Variants in ZNF302 observed in about 807,000 individuals in gnomAD.
The protein encoded by ZNF302 is zinc finger protein 327.
In ZNF302, 12 loss-of-function variants were observed where a neutral mutation model predicts 10.8. The observed-to-expected ratio is 1.11, with a 90% CI of 0.71 to 1.79. The LOEUF is 1.79. Among genes scored for constraint, ZNF302 ranks in the 40% most tolerant of loss-of-function variants. ZNF302 has a pLI of 0.00. For missense variants in ZNF302, 461 were observed against 471.1 expected, an observed-to-expected ratio of 0.98 and a Z score of 0.20; for synonymous variants, 178 against 157.5, an observed-to-expected ratio of 1.13 and a Z score of -0.98.
chr19:34,683,475 A>G (rs1367113345), intron 4 of ZNF302, among the ~76,000 whole-genome samples: 3 of 152,198 alleles, frequency 2.0e-5, no homozygotes, highest in Non-Finnish European at 4.4e-5. Context: ...TAATAATTCA[A>G]ATTGTTACTA....
At chr19:34,680,266 A>G (rs947496461) in intron 2 of ZNF302, among the ~76,000 whole-genome samples, 2 of 152,192 alleles carry the variant, frequency 1.3e-5, no homozygotes, top group Non-Finnish European at 1.5e-5. Flanking sequence ...AGTACCTGTT[A>G]GGAAGAGTTG....
Position 34,685,859 on chromosome 19 carries a change from A to G in ZNF302, c.*622A>G. On this transcript the variant is annotated 3_prime_UTR_variant, in exon 5 of 5. Coordinates refer to ENST00000505242, the MANE Select transcript of ZNF302 (RefSeq NM_001289187.2). ...TCCCTTAATTGACCTAAGTATACTC[A>G]CACTAGGAAAAATCTGTGTACATGT... 3.9e-6 allele frequency: 1 copy of G among 256,728 alleles called. No homozygotes were observed. The highest frequency in any genetic ancestry group is 7.5e-6 in the Non-Finnish European group (1 of 133,880). 15.9% of individuals were successfully genotyped at this position (256,728 alleles called of 1,614,324 possible). A position where few individuals can be genotyped will look rare whatever the true frequency, so the allele number is the denominator to read the frequency against.
At chr19:34,680,470 ATTATT>A (rs905031633) in intron 2 of ZNF302, among the ~76,000 whole-genome samples, 14 of 152,318 alleles carry the variant, frequency 9.2e-5, no homozygotes, top group South Asian at 2.1e-4. Context: ...ATTTTATTTA[ATTATT>A]TTATTTTTAC....
At chr19:34,684,202 A>ATGC in intron 4 of ZNF302, 50 bp from the exon 5 acceptor site, 1 of 1,065,956 alleles carries the variant, frequency 9.4e-7, no homozygotes, top group Non-Finnish European at 1.2e-6. Context: ...AAAAAAAAAA[A>ATGC]AAAAAAAAAA....
chr19:34,684,160 T>C, intron 4 of ZNF302, 92 bp from the exon 5 acceptor site: 1 of 1,147,432 alleles, frequency 8.7e-7, no homozygotes, highest in South Asian at 1.5e-5. Flanking sequence ...GTAGAAGCTT[T>C]TTTCAAGAAG....
chr19:34,680,153 G>A (rs1237957125), intron 2 of ZNF302, among the ~76,000 whole-genome samples: 1 of 152,140 alleles, frequency 6.6e-6, no homozygotes, highest in African/African-American at 2.4e-5. Flanking sequence ...ACTCCAGCTT[G>A]GTGACAGAGC....
rs184739104 is a variant in ZNF302, at chr19:34,684,259, A to C, written c.222A>C (p.Glu74Asp). Reference protein sequence around the residue: ...MMEKKLSKDWESRWENKELST... With the variant: ...MMEKKLSKDWDSRWENKELST... ...TTTCTTGATATATTTCAGATTGGGA[A>C]TCAAGATGGGAAAACAAGGAATTAT... The change falls in exon 5 of 5, where the codon GAA becomes GAC. Residue 74 changes from glutamate (E) to aspartate (D), a missense_variant. Transcript: ENST00000505242. 4.1e-5 allele frequency: 64 copies of C among 1,558,534 alleles called. No homozygotes were observed. The Admixed American group carries it at 1.0e-3, about 26-fold the overall frequency.
upstream of ZNF302, chr19:34,676,395 T>C (rs1265043068): frequency 1.3e-5 from 2 of 152,200 alleles, no homozygotes; most frequent in South Asian, 2.1e-4. Context: ...AGTTACCCTG[T>C]ATGGTTCAAA....
intron 2 of ZNF302, among the ~76,000 whole-genome samples, chr19:34,680,793 A>G (rs1402149369): frequency 6.6e-6 from 1 of 152,248 alleles, no homozygotes; most frequent in Non-Finnish European, 1.5e-5. Context: ...AATTTAGAAG[A>G]AATTTTGTGT....
intron 2 of ZNF302, 50 bp downstream of exon 2, chr19:34,678,863 G>C: frequency 1.2e-6 from 2 of 1,611,900 alleles, no homozygotes; most frequent in Non-Finnish European, 8.5e-7. Context: ...TTAGGCCTCT[G>C]TGTGTTTGCT....
chr19:34,679,296 T>C (rs953713702), intron 2 of ZNF302, among the ~76,000 whole-genome samples: 3 of 152,202 alleles, frequency 2.0e-5, no homozygotes, highest in African/African-American at 7.2e-5. Context: ...CCTGGATTAT[T>C]GCGGTAGCCT....
Position 34,684,698 on chromosome 19 carries a change from A to G in ZNF302, c.661A>G (p.Arg221Gly), listed in dbSNP as rs1421261662. ...GKQSILSRHW[R>G]IHTGEKPYEC... ...ACAGTCAATCCTCAGTCGCCACTGG[A>G]GAATTCATACAGGAGAGAAGCCCTA... The change falls in exon 5 of 5, where the codon AGA (arginine) becomes GGA (glycine). Residue 221 changes from arginine (R) to glycine (G), a missense_variant. By Grantham distance (125) the Arg-to-Gly change is moderately radical. Coordinates refer to ENST00000505242, the MANE Select transcript of ZNF302 (RefSeq NM_001289187.2). 2 of 1,614,052 alleles carry G rather than the reference A, an allele frequency of 1.2e-6. No homozygotes were observed. Among genetic ancestry groups the G allele is most frequent in the South Asian group, 2.2e-5 (2 of 91,076 alleles).
chr19:34,683,228 A>G lies in ZNF302; in HGVS notation c.204A>G (p.Lys68=), dbSNP rs556310485. 92 of 1,614,076 alleles carry G rather than the reference A, an allele frequency of 5.7e-5. 2 individuals carry two copies. In the South Asian group the frequency reaches 9.6e-4, roughly 17 times the overall value. ...DGKEPWMMEK[K]LSKDWESRWE... is the part of the protein sequence containing the mutation. Reference sequence around the variant, plus strand: ...AAGAGCCCTGGATGATGGAGAAAAAACTGTCAAAAGGTATGATTCCACATG... The same window carrying G: ...AAGAGCCCTGGATGATGGAGAAAAAGCTGTCAAAAGGTATGATTCCACATG... The change falls in exon 4 of 5, where the codon AAA becomes AAG. Residue 68 remains lysine, a synonymous_variant. Coordinates refer to ENST00000505242, the MANE Select transcript of ZNF302 (RefSeq NM_001289187.2).
chr19:34,684,390 A>G lies in ZNF302; in HGVS notation c.353A>G (p.Tyr118Cys), dbSNP rs1270866831. The G allele has an allele frequency of 6.2e-7, 1 of 1,610,124 alleles. No individual in the cohort carries two copies. Among genetic ancestry groups the G allele is most frequent in the Non-Finnish European group, 8.5e-7 (1 of 1,178,698 alleles). ...TCAAATTCTAATAAGAATTTGGAAT[A>G]TACAGAATGCGACACATTTAGAAGC... ...EFSNSNKNLE[Y>C]TECDTFRSTF... The change falls in exon 5 of 5, where the codon TAT becomes TGT. Residue 118 changes from tyrosine (Y) to cysteine (C), a missense_variant. Coordinates refer to ENST00000505242, the MANE Select transcript of ZNF302 (RefSeq NM_001289187.2).
At chr19:34,683,328 T>C in intron 4 of ZNF302, 90 bp downstream of exon 4, 1 of 1,449,728 alleles carries the variant, frequency 6.9e-7, no homozygotes. Context: ...TTAGGGATAC[T>C]GTCTTCAAAG....
rs562613065 is a variant in ZNF302, at chr19:34,683,005, G to T, written c.130+108G>T. 84 of 1,573,412 alleles carry T rather than the reference G, an allele frequency of 5.3e-5. 3 individuals are homozygous for T. In the East Asian group the frequency reaches 5.8e-4, roughly 11 times the overall value. On this transcript the variant is annotated intron_variant, in intron 3 of 4. Transcript: ENST00000505242. Reference sequence around the variant, plus strand: ...GGCTGAATTTCTGTACCATGCTCCCGAGGAAATGTGCAGCTCTGTTGTGCC... The same window carrying T: ...GGCTGAATTTCTGTACCATGCTCCCTAGGAAATGTGCAGCTCTGTTGTGCC...
Position 34,678,032 on chromosome 19 carries a change from C to G in ZNF302, c.-140C>G, listed in dbSNP as rs1428501790. The G allele has an allele frequency of 7.5e-6, 1 of 134,124 alleles. No individual in the cohort carries two copies. The highest frequency in any genetic ancestry group is 2.9e-5 in the African/African-American group (1 of 34,408). 8.3% of individuals were successfully genotyped at this position (134,124 alleles called of 1,614,324 possible). A position where few individuals can be genotyped will look rare whatever the true frequency, so the allele number is the denominator to read the frequency against. ...AGCGAAGTGGGCGCGAGAGCAGACG[C>G]CAGCTACAGTTTTTTTTGGGTTATG... is the stretch of plus-strand genomic sequence containing the variant. On this transcript the variant is annotated 5_prime_UTR_variant, in exon 1 of 5. Coordinates refer to ENST00000505242, the MANE Select transcript of ZNF302 (RefSeq NM_001289187.2).
rs1280528798 is a variant in ZNF302 at position 34,684,780 on chromosome 19, A to T, written c.743A>T (p.Gln248Leu). ...CATGGTTCATCCCTTACACGACATC[A>T]GATAAGCCATAGTGGAGAGAAACCT... Reference protein sequence around the residue: ...FSHGSSLTRHQISHSGEKPYK... With the variant: ...FSHGSSLTRHLISHSGEKPYK... The change falls in exon 5 of 5, where the codon CAG (glutamine) becomes CTG (leucine). Residue 248 changes from glutamine to leucine, a missense_variant. Physicochemically the swap from Gln to Leu is moderately radical, Grantham distance 113. Coordinates refer to ENST00000505242, the MANE Select transcript of ZNF302 (RefSeq NM_001289187.2). The T allele has an allele frequency of 1.2e-6, 2 of 1,614,034 alleles. No individual in the cohort carries two copies. Among genetic ancestry groups the T allele is most frequent in the East Asian group, 2.2e-5 (1 of 44,870 alleles).
In ZNF302 at chr19:34,678,755, G is replaced by T; in HGVS notation, c.-50G>T. ...CCCTCAGGACACTGCCCATCTCTAA[G>T]ATAAGAACCTGGAAAGGGGACTCTG... On this transcript the variant is annotated 5_prime_UTR_variant, in exon 2 of 5. Transcript: ENST00000505242. 6.2e-7 allele frequency: 1 copy of T among 1,613,026 alleles called. No homozygotes were observed. The highest frequency in any genetic ancestry group is 8.5e-7 in the Non-Finnish European group (1 of 1,179,182).
Sources: gnomAD v4.1 joint callset for allele counts (sites outside exome capture counted in the v4.1 genomes callset) on GRCh38, gnomAD v4.1.1 for gene constraint, MANE v1.5 for transcripts, NCBI Gene and HGNC (gene_info 2026-07-23, HGNC 2026-07-21) for gene names.